DNAH8: variants seen among roughly 807,000 people sequenced by gnomAD.
DNAH8 encodes the protein axonemal beta dynein heavy chain 8.
DNAH8 carries 382 observed loss-of-function variants against 562.1 expected under a neutral mutation model. The observed-to-expected ratio is 0.68, with a 90% CI of 0.63 to 0.74. The LOEUF (loss-of-function observed/expected upper bound fraction) is 0.74, where lower values mean the gene tolerates loss of function less well. Among genes scored for constraint, DNAH8 ranks in the 30% least tolerant of loss-of-function variants. The probability of loss-of-function intolerance (pLI) is 0.00; values close to 1 mark genes in which losing one functional copy is unlikely to be tolerated. For missense variants in DNAH8, 5,203 were observed against 5,620.4 expected (o/e 0.93, Z 2.37); for synonymous variants, 1,881 against 1,919.4 (o/e 0.98, Z 0.52).
In DNAH8 at chr6:38,832,433, T is replaced by C. The variant is rs1678729; in HGVS notation, c.4300T>C (p.Leu1434=). The change falls in exon 31 of 93, where the codon TTG becomes CTG. Residue 1434 remains leucine (L), a splice_region_variant and synonymous_variant. Coordinates refer to ENST00000327475, the MANE Select transcript of DNAH8 (RefSeq NM_001206927.2). ...GATAAACTTTGCAGAAGCATATGAA[T>C]TGGTAATTTAAGTATTTTCTTGCTG... is the stretch of plus-strand genomic sequence containing the variant. ...DVINFAEAYE[L]EGPMVPNIPP... 0.16 allele frequency: 245,063 copies of C among 1,558,752 alleles called. 22,506 individuals carry two copies. Among genetic ancestry groups the C allele is most frequent in the African/African-American group, 0.37 (27,063 of 73,420 alleles).
At chr6:38,781,953 CAG>C (rs1768657231) in intron 16 of DNAH8, among the ~76,000 whole-genome samples, 1 of 152,094 alleles carries the variant, frequency 6.6e-6, no homozygotes, top group East Asian at 1.9e-4. Context: ...ATTTAAGAGA[CAG>C]AGTCACAAGG....
At chr6:38,932,831 G>GAC in intron 76 of DNAH8, 1 of 152,342 alleles carries the variant, frequency 6.6e-6, no homozygotes, top group South Asian at 2.1e-4. Context: ...AGAGGGAAAT[G>GAC]ACACAGACAC....
chr6:38,869,191 T>C (rs1006594551), intron 48 of DNAH8, among the ~76,000 whole-genome samples: 7 of 152,210 alleles, frequency 4.6e-5, no homozygotes. Context: ...TCACAGCAAC[T>C]CTGTGGGGTC....
chr6:38,795,292 G>A (rs1770126666), intron 21 of DNAH8, among the ~76,000 whole-genome samples: 2 of 152,138 alleles, frequency 1.3e-5, no homozygotes, highest in African/African-American at 2.4e-5. Flanking sequence ...ACTCAAGAGT[G>A]TAAGTTGCTG....
intron 39 of DNAH8, 54 bp from the exon 40 acceptor site, chr6:38,852,640 T>C: frequency 7.8e-7 from 1 of 1,284,916 alleles, no homozygotes; most frequent in South Asian, 1.3e-5. Context: ...TTTAAAAACA[T>C]CTCAGCGGCT....
chr6:38,908,891 A>G (rs575650245), intron 64 of DNAH8, among the ~76,000 whole-genome samples: 33 of 152,264 alleles, frequency 2.2e-4, no homozygotes, highest in African/African-American at 7.5e-4. Flanking sequence ...TGTGTGGCTA[A>G]TAGCTACCAC....
chr6:38,836,900 A>G (rs1038154214), intron 32 of DNAH8, among the ~76,000 whole-genome samples: 1 of 152,100 alleles, frequency 6.6e-6, no homozygotes, highest in African/African-American at 2.4e-5. Context: ...AGGAAAAAAA[A>G]GGTGAGTGAT....
intron 19 of DNAH8, 55 bp downstream of exon 19, chr6:38,789,938 G>T: frequency 1.5e-6 from 2 of 1,376,754 alleles, no homozygotes; most frequent in South Asian, 1.2e-5. Flanking sequence ...ATTAGATTTC[G>T]GTTCTATAAA....
intron 18 of DNAH8, among the ~76,000 whole-genome samples, chr6:38,787,181 T>C (rs1769248206): frequency 6.6e-6 from 1 of 152,102 alleles, no homozygotes; most frequent in Non-Finnish European, 1.5e-5. Context: ...GGTTTCTGGA[T>C]AATGACTGAC....
chr6:38,896,205 G>A lies in DNAH8; in HGVS notation c.8920G>A (p.Val2974Ile). 2 of 1,613,726 alleles carry A rather than the reference G, an allele frequency of 1.2e-6. No individual in the cohort carries two copies. The highest frequency in any genetic ancestry group is 2.2e-5 in the South Asian group (2 of 91,012). Reference protein sequence around the residue: ...GDEPEDSVFEVPKIYELMPSF... With the variant: ...GDEPEDSVFEIPKIYELMPSF... ...TGAACCTGAAGACTCTGTGTTTGAA[G>A]TACCCAAAATATATGAATTGGTATT... Residue 2974 changes from valine to isoleucine, a missense_variant, in exon 60 of 93, where the codon GTA (valine) becomes ATA (isoleucine). Physicochemically the swap from Val to Ile is conservative, Grantham distance 29 (BLOSUM62 3). This residue lies in a region of DNAH8 where 977 missense variants were observed against 1,061.8 expected (regional missense o/e 0.92). Transcript: ENST00000327475.
At chr6:38,794,651 G>T (rs1250267001) in intron 21 of DNAH8, among the ~76,000 whole-genome samples, 1 of 152,116 alleles carries the variant, frequency 6.6e-6, no homozygotes, top group African/African-American at 2.4e-5. Context: ...TAAATGGAAT[G>T]GTGCAGAATA....
chr6:38,911,734 TTTTGAC>T, intron 66 of DNAH8, 148 bp downstream of exon 66: 1 of 616,422 alleles, frequency 1.6e-6, no homozygotes. Flanking sequence ...CTTGAGGGTA[TTTTGAC>T]CTGTCGAGAA....
chr6:39,030,314 T>A lies in DNAH8; in HGVS notation c.14046T>A (p.Thr4682=). ...KPRRTDLTFI[T]VVYLRTVLSP... is the part of the protein sequence containing the mutation. ...GGCGAACTGATTTGACCTTCATCAC[T>A]GTGGTATATTTACGAACAGTGTTGT... The change falls in exon 93 of 93, where the codon ACT becomes ACA. Residue 4682 remains threonine, a synonymous_variant. Transcript: ENST00000327475. 1 of 1,614,176 alleles carries A rather than the reference T, an allele frequency of 6.2e-7. No homozygotes were observed. Among genetic ancestry groups the A allele is most frequent in the Non-Finnish European group, 8.5e-7 (1 of 1,180,012 alleles).
intron 62 of DNAH8, among the ~76,000 whole-genome samples, chr6:38,903,993 A>G (rs1780262779): frequency 6.6e-6 from 1 of 152,180 alleles, no homozygotes; most frequent in African/African-American, 2.4e-5. Flanking sequence ...ACCACACTGC[A>G]TTAAAAAAAA....
chr6:38,753,806 A>T (rs1046072019), intron 9 of DNAH8, among the ~76,000 whole-genome samples: 36 of 152,112 alleles, frequency 2.4e-4, no homozygotes, highest in African/African-American at 8.2e-4. Flanking sequence ...GTGCCTTATT[A>T]TTGTTATTTT....
In DNAH8 at chr6:38,770,408, C is replaced by T. The variant is rs1223363292; in HGVS notation, c.1618-5C>T. 1 of 1,551,028 alleles carries T rather than the reference C, an allele frequency of 6.4e-7. No individual in the cohort carries two copies. On this transcript the variant is annotated splice_region_variant and splice_polypyrimidine_tract_variant and intron_variant, in intron 11 of 92. Coordinates refer to ENST00000327475, the MANE Select transcript of DNAH8 (RefSeq NM_001206927.2). ...TTTTCCCTATTTCTTTTACTTTTCT[C>T]ATAGGACTGCATTTTTCTATTCAAG...
At chr6:38,850,010 A>C (rs1025706169) in intron 37 of DNAH8, among the ~76,000 whole-genome samples, 3 of 152,208 alleles carry the variant, frequency 2.0e-5, no homozygotes, top group Admixed American at 6.6e-5. Flanking sequence ...TGTTAAATGC[A>C]ATGAAACAAA....
At chr6:38,770,050 G>A (rs114368862) in intron 11 of DNAH8, among the ~76,000 whole-genome samples, 3,181 of 152,168 alleles carry the variant, frequency 0.021, 117 homozygotes, top group African/African-American at 0.072. Context: ...TGATAGCTTC[G>A]TATGACAGAA....
At chr6:39,006,721 G>A (rs963440394) in intron 88 of DNAH8, among the ~76,000 whole-genome samples, 2 of 152,186 alleles carry the variant, frequency 1.3e-5, no homozygotes, top group Non-Finnish European at 2.9e-5. Flanking sequence ...GGTAATATGA[G>A]TAAATGTTAA....
Sources: allele counts gnomAD v4.1 joint callset (sites outside exome capture counted in the v4.1 genomes callset), GRCh38; gene constraint gnomAD v4.1.1; regional missense constraint gnomAD v4.1.1; transcripts MANE v1.5; gene names NCBI Gene and HGNC (gene_info 2026-07-23, HGNC 2026-07-21).